Variants in ZFP64 observed in about 807,000 individuals in gnomAD.
ZFP64 encodes the protein zinc finger protein 64.
Under a neutral mutation model 51.6 loss-of-function variants are expected in ZFP64, and 14 were observed. That is an observed-to-expected ratio of 0.27 (90% CI 0.18 to 0.42). The LOEUF (loss-of-function observed/expected upper bound fraction) is 0.42, where lower values mean the gene tolerates loss of function less well. Ranked by LOEUF, ZFP64 falls within the 10% of genes least tolerant of loss-of-function variation. The probability of loss-of-function intolerance (pLI) is 1.00; values close to 1 mark genes in which losing one functional copy is unlikely to be tolerated. For missense variants in ZFP64, 754 were observed against 906.8 expected, an observed-to-expected ratio of 0.83 and a Z score of 2.16; for synonymous variants, 375 against 361.4, an observed-to-expected ratio of 1.04 and a Z score of -0.43.
chr20:52,110,489 C>T, intron 5 of ZFP64: 1 of 695,984 alleles, frequency 1.4e-6, no homozygotes, highest in Non-Finnish European at 2.6e-6. Context: ...AAGTCCTCTG[C>T]CTAGTCTAAG....
chr20:52,183,833 T>C (rs1190716369), intron 2 of ZFP64, among the ~76,000 whole-genome samples: 2 of 152,210 alleles, frequency 1.3e-5, no homozygotes, highest in Non-Finnish European at 2.9e-5. Flanking sequence ...CCCTAGTAGA[T>C]ACCTCATAAG....
rs202021621 is a variant in ZFP64 at position 52,084,800 on chromosome 20, C to T, written c.1695G>A (p.Glu565=). ...TCTTGGCCACGTGCTGGGAGCTGCC[C>T]TCTCTGAGCCCTTCCTTGCCCAGAG... Residue 565 remains glutamate, a synonymous_variant, in exon 9 of 9, where the codon GAG becomes GAA. Transcript: ENST00000361387. The T allele has an allele frequency of 4.3e-4, 701 of 1,614,184 alleles. 12 individuals are homozygous for T. The South Asian group carries it at 7.0e-3, about 16-fold the overall frequency.
chr20:52,189,076 A>T (rs1020226185), intron 1 of ZFP64, among the ~76,000 whole-genome samples: 1 of 152,206 alleles, frequency 6.6e-6, no homozygotes, highest in African/African-American at 2.4e-5. Flanking sequence ...CCTACCATGA[A>T]TATTATAAAA....
intron 2 of ZFP64, among the ~76,000 whole-genome samples, chr20:52,184,935 ACT>A (rs551964431): frequency 8.9e-4 from 135 of 151,990 alleles, no homozygotes; most frequent in African/African-American, 2.8e-3. Flanking sequence ...GCCATACCTA[ACT>A]CTCTCTTGAC....
Position 52,160,138 on chromosome 20 carries a change from G to C in ZFP64, c.748C>G (p.Leu250Val). The C allele has an allele frequency of 6.2e-7, 1 of 1,614,086 alleles. No homozygotes were observed. The highest frequency in any genetic ancestry group is 8.5e-7 in the Non-Finnish European group (1 of 1,180,020). The part of the protein sequence containing the change: ...SRNSSQLTVH[L>V]RSHTGDAPFQ... ...CAGGACTCACCCGTGTGGGATCGCA[G>C]GTGGACAGTGAGCTGGCTGGAGTTG... The change falls in exon 5 of 6, where the codon CTG (leucine) becomes GTG (valine). Residue 250 changes from leucine (L) to valine (V), a missense_variant. Leu to Val is a conservative substitution (Grantham distance 32). Around this residue, in one of 3 missense-constraint regions of ZFP64, gnomAD observed 231 missense variants for 336.7 expected, o/e 0.69. Coordinates refer to ENST00000216923, the MANE Select transcript of ZFP64 (RefSeq NM_018197.3). The surrounding 1 kb of genome is among the most constrained non-coding windows in gnomAD (Gnocchi z 4.2).
In ZFP64 at chr20:52,151,340, CA is replaced by C. The variant is rs753497165; in HGVS notation, c.*805del. ...TCATTTTCTGCTCATTAGCACTAAA[CA>C]TTTTTTTTTGGGTCAAGTATCCATG... On this transcript the variant is annotated 3_prime_UTR_variant, in exon 6 of 6. Transcript: ENST00000216923. 3.8e-5 allele frequency: 37 copies of C among 985,112 alleles called. No homozygotes were observed. Among genetic ancestry groups the C allele is most frequent in the Admixed American group, 6.2e-5 (1 of 16,260 alleles). 61.0% of individuals were successfully genotyped at this position (985,112 alleles called of 1,614,324 possible).
intron 4 of ZFP64, among the ~76,000 whole-genome samples, chr20:52,163,275 C>T (rs927140278): frequency 1.8e-4 from 27 of 152,114 alleles, no homozygotes; most frequent in African/African-American, 2.9e-4. Flanking sequence ...GCAGGAGAAT[C>T]GCTTGAACCT....
At chr20:52,151,157 G>T, downstream of ZFP64, 1 of 813,838 alleles carries the variant, frequency 1.2e-6, no homozygotes, top group Non-Finnish European at 1.5e-6. Flanking sequence ...GAGGTAAGAT[G>T]ATTGTGTGAC....
chr20:52,100,895 G>A (rs374713702), intron 5 of ZFP64, among the ~76,000 whole-genome samples: 19 of 152,286 alleles, frequency 1.2e-4, no homozygotes, highest in African/African-American at 3.6e-4. Context: ...ATACAATTGC[G>A]TGGCTTCAGA....
intron 5 of ZFP64, among the ~76,000 whole-genome samples, chr20:52,101,830 G>A (rs534413776): frequency 1.3e-5 from 2 of 151,244 alleles, no homozygotes; most frequent in East Asian, 2.0e-4. Flanking sequence ...TAAAAATGCA[G>A]AGTCTCAGCC....
chr20:52,106,794 C>T (rs1978321706), intron 5 of ZFP64, among the ~76,000 whole-genome samples: 1 of 152,156 alleles, frequency 6.6e-6, no homozygotes, highest in Admixed American at 6.5e-5. Flanking sequence ...TCTGTAAAGA[C>T]ATTTGAAAAT....
At chr20:52,157,769 A>T (rs1244769849) in intron 5 of ZFP64, among the ~76,000 whole-genome samples, 1 of 152,110 alleles carries the variant, frequency 6.6e-6, no homozygotes, top group African/African-American at 2.4e-5. Flanking sequence ...TTGCTGACCC[A>T]TCAACCCGTC....
chr20:52,126,930 G>A (rs1979473881), intron 5 of ZFP64, among the ~76,000 whole-genome samples: 1 of 151,402 alleles, frequency 6.6e-6, no homozygotes, highest in African/African-American at 2.4e-5. Context: ...TTTTTTTAAA[G>A]GAAGTGATAT....
At chr20:52,098,432 T>A in intron 6 of ZFP64, 1 of 1,613,930 alleles carries the variant, frequency 6.2e-7, no homozygotes, top group Non-Finnish European at 8.5e-7. Flanking sequence ...AGGGTTTTAC[T>A]CTTACCTGGG....
intron 7 of ZFP64, among the ~76,000 whole-genome samples, chr20:52,090,527 A>G (rs537173482): frequency 1.6e-4 from 24 of 152,220 alleles, no homozygotes; most frequent in South Asian, 6.2e-4. Context: ...GCGACTGGGC[A>G]TGGTGGCTCA....
At chr20:52,189,874 C>T (rs923586470) in intron 1 of ZFP64, among the ~76,000 whole-genome samples, 16 of 152,214 alleles carry the variant, frequency 1.1e-4, no homozygotes, top group Non-Finnish European at 5.9e-5. Context: ...GGTGTCCATG[C>T]GTCATAATCT....
At chr20:52,139,465 A>G (rs1980147272) in intron 5 of ZFP64, among the ~76,000 whole-genome samples, 1 of 152,148 alleles carries the variant, frequency 6.6e-6, no homozygotes, top group African/African-American at 2.4e-5. Flanking sequence ...ACCCGTGGAC[A>G]CAAAGATGGG....
chr20:52,149,147 G>T (rs1980668183), downstream of ZFP64, among the ~76,000 whole-genome samples: 1 of 152,098 alleles, frequency 6.6e-6, no homozygotes, highest in Admixed American at 6.6e-5. Flanking sequence ...GCAGCAGAGT[G>T]ATAAAACTTC....
At chr20:52,186,689 T>C in intron 2 of ZFP64, 143 bp downstream of exon 2, 1 of 1,201,212 alleles carries the variant, frequency 8.3e-7, no homozygotes. Context: ...GGCAGCTGGC[T>C]TCCTGGTGGA....
Sources: allele counts gnomAD v4.1 joint callset (sites outside exome capture counted in the v4.1 genomes callset), GRCh38; gene constraint gnomAD v4.1.1; regional missense constraint gnomAD v4.1.1; non-coding constraint Gnocchi (gnomAD v3.1); transcripts MANE v1.5; gene names NCBI Gene and HGNC (gene_info 2026-07-23, HGNC 2026-07-21).